CHCHD3: variants seen among roughly 807,000 people sequenced by gnomAD.
The protein encoded by CHCHD3 is coiled-coil-helix-coiled-coil-helix domain containing 3.
CHCHD3 carries 20 observed loss-of-function variants against 38.2 expected under a neutral mutation model. The ratio of observed to expected loss-of-function variants is 0.52; its 90% CI spans 0.37 to 0.76. The LOEUF (loss-of-function observed/expected upper bound fraction) is 0.76. CHCHD3 is among the 30% of genes least tolerant of loss of function. The pLI, the probability that CHCHD3 is intolerant of heterozygous loss-of-function variation, is 0.00. For synonymous variants in CHCHD3, 82 were observed against 100.0 expected, an observed-to-expected ratio of 0.82 and a Z score of 1.07; for missense variants, 245 against 279.2, an observed-to-expected ratio of 0.88 and a Z score of 0.87.
At chr7:133,075,585 C>A (rs184242528) in intron 1 of CHCHD3, among the ~76,000 whole-genome samples, 14 of 152,336 alleles carry the variant, frequency 9.2e-5, no homozygotes, top group Middle Eastern at 3.4e-3. Context: ...TGCACACTCA[C>A]CTGATCTCCT....
intron 5 of CHCHD3, among the ~76,000 whole-genome samples, chr7:132,858,316 G>C (rs1350784190): frequency 6.6e-6 from 1 of 152,182 alleles, no homozygotes; most frequent in Non-Finnish European, 1.5e-5. Context: ...ACCTGCTTCA[G>C]CCTCCCAAAG....
chr7:132,848,263 G>A (rs1273384565), intron 5 of CHCHD3, among the ~76,000 whole-genome samples: 2 of 152,170 alleles, frequency 1.3e-5, no homozygotes, highest in Non-Finnish European at 2.9e-5. Context: ...AATAACGGCA[G>A]TTCCCATTGT....
At chr7:132,885,144 C>G (rs1254820944) in intron 5 of CHCHD3, among the ~76,000 whole-genome samples, 1 of 152,082 alleles carries the variant, frequency 6.6e-6, no homozygotes, top group Non-Finnish European at 1.5e-5. Flanking sequence ...TCCAGCTACT[C>G]AGGAGGCTAA....
chr7:132,859,585 T>TGTAGAAGAC (rs1428544755), intron 5 of CHCHD3, among the ~76,000 whole-genome samples: 1 of 152,218 alleles, frequency 6.6e-6, no homozygotes. Context: ...AGACTTTGTT[T>TGTAGAAGAC]GTAGAAGACG....
In CHCHD3 at chr7:133,035,760, G is replaced by C; in HGVS notation, c.170-11133C>G. On this transcript the variant is annotated intron_variant, in intron 2 of 7. Transcript: ENST00000262570. This position sits in a 1 kb window ranked among gnomAD's most constrained non-coding sequence, Gnocchi z 4.7. ...CTCAAATGCTGGGACCTTGCCGGCA[G>C]GAAATTTGCGAAGAAATTCAGAGGT... is the stretch of plus-strand genomic sequence containing the variant. The C allele has an allele frequency of 6.2e-7, 1 of 1,613,300 alleles. No homozygotes were observed. Among genetic ancestry groups the C allele is most frequent in the Non-Finnish European group, 8.5e-7 (1 of 1,179,356 alleles).
At chr7:132,895,215 C>T (rs1040412932) in intron 4 of CHCHD3, among the ~76,000 whole-genome samples, 25 of 152,210 alleles carry the variant, frequency 1.6e-4, no homozygotes, top group African/African-American at 5.8e-4. Context: ...AGGAGTGGTA[C>T]CTCAGAATTG....
intron 3 of CHCHD3, among the ~76,000 whole-genome samples, chr7:133,001,144 C>T (rs562936900): frequency 6.6e-6 from 1 of 152,160 alleles, no homozygotes; most frequent in East Asian, 1.9e-4. Flanking sequence ...ATTCAATGCC[C>T]TCAATCCTTG....
chr7:132,882,999 T>C (rs996066361), intron 5 of CHCHD3, among the ~76,000 whole-genome samples: 2 of 151,764 alleles, frequency 1.3e-5, no homozygotes, highest in Non-Finnish European at 2.9e-5. Flanking sequence ...GAGAGAGTTC[T>C]CAGATCTGAT....
At chr7:133,016,526 A>T (rs1052363926) in intron 3 of CHCHD3, among the ~76,000 whole-genome samples, 15 of 152,038 alleles carry the variant, frequency 9.9e-5, no homozygotes, top group Non-Finnish European at 1.9e-4. Context: ...AAGATGGGCT[A>T]CTCCTGTTTA....
chr7:132,859,938 T>C (rs1305353035), intron 5 of CHCHD3, among the ~76,000 whole-genome samples: 1 of 152,198 alleles, frequency 6.6e-6, no homozygotes, highest in Non-Finnish European at 1.5e-5. Flanking sequence ...AAATGTTTTA[T>C]TGAAATCAAT....
intron 3 of CHCHD3, among the ~76,000 whole-genome samples, chr7:132,994,861 G>A (rs552617644): frequency 6.6e-6 from 1 of 152,202 alleles, no homozygotes; most frequent in African/African-American, 2.4e-5. Flanking sequence ...AAGTCACCTT[G>A]GCATACACAG....
At chr7:132,935,830 G>A (rs1810620137) in intron 4 of CHCHD3, among the ~76,000 whole-genome samples, 7 of 152,210 alleles carry the variant, frequency 4.6e-5, no homozygotes, top group Admixed American at 4.6e-4. Flanking sequence ...TCTGGAGGTT[G>A]CAAAGTCCAA....
chr7:133,060,827 T>C (rs912707692), intron 2 of CHCHD3, among the ~76,000 whole-genome samples: 1 of 152,070 alleles, frequency 6.6e-6, no homozygotes, highest in African/African-American at 2.4e-5. Flanking sequence ...GGAGAATCAC[T>C]TGAACCTGGG....
At position 132,845,315 on chromosome 7, in the gene CHCHD3, A is replaced by G. The variant is rs1027536662; in HGVS notation, c.454-6846T>C. Among the ~76,000 whole-genome samples, 4 of 152,090 alleles carry G rather than the reference A, an allele frequency of 2.6e-5. No individual in the cohort carries two copies. The East Asian group carries it at 6.0e-4, about 23-fold the overall frequency. Reference sequence around the variant, plus strand: ...TATTAAAAATTATTTGAACAGGGGGAAAAAAACTGTATAGTGTGGGGTGGG... The same window carrying G: ...TATTAAAAATTATTTGAACAGGGGGGAAAAAACTGTATAGTGTGGGGTGGG... On this transcript the variant is annotated intron_variant, in intron 5 of 7. Coordinates refer to ENST00000262570, the MANE Select transcript of CHCHD3 (RefSeq NM_017812.4).
chr7:132,940,831 C>T (rs1810748091), intron 4 of CHCHD3, among the ~76,000 whole-genome samples: 1 of 152,258 alleles, frequency 6.6e-6, no homozygotes, highest in South Asian at 2.1e-4. Context: ...CATGGCTTTA[C>T]TGAACAAGTT....
At chr7:133,008,053 T>C (rs1412298582) in intron 3 of CHCHD3, among the ~76,000 whole-genome samples, 1 of 152,142 alleles carries the variant, frequency 6.6e-6, no homozygotes, top group Admixed American at 6.5e-5. Flanking sequence ...AGTAAGAAAA[T>C]TGATTCTGTT....
chr7:133,065,953 T>C (rs1334075873), intron 2 of CHCHD3, among the ~76,000 whole-genome samples: 1 of 152,162 alleles, frequency 6.6e-6, no homozygotes, highest in East Asian at 1.9e-4. Context: ...CCTATGAGCC[T>C]TGTTGAGTCT....
At chr7:133,011,188 G>A (rs985517806) in intron 3 of CHCHD3, among the ~76,000 whole-genome samples, 9 of 152,174 alleles carry the variant, frequency 5.9e-5, no homozygotes, top group African/African-American at 2.2e-4. Context: ...AGTATCAGAG[G>A]GTGTAAATGT....
chr7:132,896,165 C>A (rs1809489796), intron 4 of CHCHD3, among the ~76,000 whole-genome samples: 1 of 152,182 alleles, frequency 6.6e-6, no homozygotes, highest in Non-Finnish European at 1.5e-5. Flanking sequence ...GTAATGAAAT[C>A]ATTCCCCAGT....
Sources: allele counts gnomAD v4.1 joint callset (sites outside exome capture counted in the v4.1 genomes callset), GRCh38; gene constraint gnomAD v4.1.1; non-coding constraint Gnocchi (gnomAD v3.1); transcripts MANE v1.5; gene names NCBI Gene and HGNC (gene_info 2026-07-23, HGNC 2026-07-21).